The following ABAT variants were observed in gnomAD, a reference collection of about 807,000 sequenced individuals.
ABAT encodes the protein 4-aminobutyrate aminotransferase.
ABAT carries 45 observed loss-of-function variants against 64.6 expected under a neutral mutation model. The ratio of observed to expected loss-of-function variants is 0.70; its 90% CI spans 0.55 to 0.89. ABAT has a LOEUF of 0.89. Ranked by LOEUF, ABAT falls within the 40% of genes least tolerant of loss-of-function variation. The pLI is 0.00. For synonymous variants in ABAT, 297 were observed against 250.5 expected (o/e 1.19, Z -1.75); for missense variants, 633 against 658.4 (o/e 0.96, Z 0.42).
intron 1 of ABAT, among the ~76,000 whole-genome samples, chr16:8,682,446 C>T (rs2141918732): frequency 6.6e-6 from 1 of 152,282 alleles, no homozygotes; most frequent in Non-Finnish European, 1.5e-5. Flanking sequence ...CTCTGTCTAG[C>T]ACAGTGTTTT....
rs767450001 is a variant in ABAT at position 8,750,533 on chromosome 16, C to G, written c.310C>G (p.Pro104Ala). The change falls in exon 5 of 16, where the codon CCC becomes GCC. Residue 104 changes from proline to alanine, a missense_variant. Transcript: ENST00000268251. The part of the protein sequence containing the change: ...LDLYSQISSV[P>A]IGYSHPALLK... ...TCTTTATTCCCAGATCTCCTCTGTC[C>G]CCATAGGTAAGAGCTGGGAAATCAT... The G allele has an allele frequency of 1.2e-5, 20 of 1,613,026 alleles. 1 individual carries two copies. The South Asian group carries it at 1.8e-4, about 14-fold the overall frequency.
chr16:8,775,157 C>A, intron 13 of ABAT, 100 bp downstream of exon 13: 1 of 1,509,084 alleles, frequency 6.6e-7, no homozygotes, highest in Non-Finnish European at 9.1e-7. Context: ...TGGGTGGGCA[C>A]TTACTGGGTC....
At chr16:8,748,171 C>T (rs2142678067) in intron 4 of ABAT, 34 bp downstream of exon 4, 10 of 1,598,930 alleles carry the variant, frequency 6.3e-6, no homozygotes, top group Non-Finnish European at 8.6e-6. Context: ...CCTTCTGTTG[C>T]TTCTTTATCA....
intron 10 of ABAT, among the ~76,000 whole-genome samples, 176 bp from the exon 11 acceptor site, chr16:8,768,649 C>A (rs1273406): frequency 0.98 from 148,518 of 152,276 alleles, 72,514 homozygotes; most frequent in East Asian, 1. Flanking sequence ...ATATACACCT[C>A]CTATGCACCC....
chr16:8,772,696 G>T, intron 11 of ABAT, 84 bp from the exon 12 acceptor site: 2 of 1,568,470 alleles, frequency 1.3e-6, no homozygotes, highest in Non-Finnish European at 1.8e-6. Flanking sequence ...AATTGCATGG[G>T]GCTCATCGAA....
intron 5 of ABAT, among the ~76,000 whole-genome samples, chr16:8,752,809 TTC>T (rs1167504394): frequency 6.6e-6 from 1 of 152,172 alleles, no homozygotes; most frequent in African/African-American, 2.4e-5. Context: ...GTTCTAAAAG[TTC>T]TCTCTCTGGC....
chr16:8,739,325 C>CT (rs2038917246), intron 2 of ABAT, among the ~76,000 whole-genome samples: 1 of 152,222 alleles, frequency 6.6e-6, no homozygotes, highest in Admixed American at 6.5e-5. Context: ...CCAAGTGAGC[C>CT]TAACCGATAT....
intron 2 of ABAT, among the ~76,000 whole-genome samples, chr16:8,739,220 T>C (rs1263849099): frequency 1.3e-5 from 2 of 152,146 alleles, no homozygotes; most frequent in Non-Finnish European, 2.9e-5. Context: ...TAAAGGTCAT[T>C]CTCCAGGACA....
chr16:8,763,563 A>G (rs936162423), intron 6 of ABAT, among the ~76,000 whole-genome samples: 2 of 152,174 alleles, frequency 1.3e-5, no homozygotes, highest in African/African-American at 4.8e-5. Context: ...CTCTACTCCA[A>G]AAGTCCCTTT....
At chr16:8,681,180 G>T (rs1371642332) in intron 1 of ABAT, among the ~76,000 whole-genome samples, 1 of 151,928 alleles carries the variant, frequency 6.6e-6, no homozygotes, top group Non-Finnish European at 1.5e-5. Flanking sequence ...TTGTTGAGAT[G>T]GAGTCTCCCT....
Position 8,776,393 on chromosome 16 carries a change from T to C in ABAT, c.1172T>C (p.Leu391Ser), listed in dbSNP as rs376708126. ...CTGGGGGACCCGTCCAAGAACCTGT[T>C]GCTGGCTGAGGTCATCAACATCATC... Reference protein sequence around the residue: ...TWLGDPSKNLLLAEVINIIKR... With the variant: ...TWLGDPSKNLSLAEVINIIKR... Residue 391 changes from leucine (L) to serine (S), a missense_variant, in exon 14 of 16, where the codon TTG becomes TCG. By Grantham distance (145) the Leu-to-Ser change is moderately radical. Coordinates refer to ENST00000268251, the MANE Select transcript of ABAT (RefSeq NM_020686.6). This position sits in a 1 kb window ranked among gnomAD's most constrained non-coding sequence, Gnocchi z 4.4. 1.1e-5 allele frequency: 18 copies of C among 1,614,226 alleles called. No homozygotes were observed. The highest frequency in any genetic ancestry group is 1.5e-5 in the Non-Finnish European group (18 of 1,180,044).
chr16:8,708,481 G>A (rs1311973238), intron 1 of ABAT, among the ~76,000 whole-genome samples: 4 of 151,726 alleles, frequency 2.6e-5, no homozygotes, highest in African/African-American at 9.7e-5. Flanking sequence ...TGGCTCGGGG[G>A]CAGGGTTGTG....
At chr16:8,732,181 C>T in intron 1 of ABAT, among the ~76,000 whole-genome samples, 1 of 133,598 alleles carries the variant, frequency 7.5e-6, no homozygotes, top group Non-Finnish European at 1.6e-5. Flanking sequence ...AGGTTGACTA[C>T]TTTAGGTTTT....
At chr16:8,685,626 A>G (rs1417972711) in intron 1 of ABAT, among the ~76,000 whole-genome samples, 1 of 152,012 alleles carries the variant, frequency 6.6e-6, no homozygotes, top group East Asian at 1.9e-4. Flanking sequence ...CAGTGAGCCA[A>G]GATTACGCCA....
At chr16:8,679,648 C>T (rs931009162) in intron 1 of ABAT, among the ~76,000 whole-genome samples, 34 of 151,866 alleles carry the variant, frequency 2.2e-4, no homozygotes, top group East Asian at 3.9e-4. Context: ...TTAATTAACA[C>T]GAGCCCTGGT....
chr16:8,718,527 A>T (rs1323731528), intron 1 of ABAT, among the ~76,000 whole-genome samples: 1 of 152,152 alleles, frequency 6.6e-6, no homozygotes, highest in African/African-American at 2.4e-5. Flanking sequence ...CCATGATTGA[A>T]TTCAACAAGT....
intron 1 of ABAT, among the ~76,000 whole-genome samples, chr16:8,689,552 G>A (rs898217605): frequency 1.3e-5 from 2 of 152,190 alleles, no homozygotes; most frequent in African/African-American, 4.8e-5. Flanking sequence ...AAAGTGTATA[G>A]TCTTATAAGT....
intron 1 of ABAT, among the ~76,000 whole-genome samples, chr16:8,711,898 A>G (rs1277369180): frequency 6.6e-6 from 1 of 152,164 alleles, no homozygotes; most frequent in Non-Finnish European, 1.5e-5. Flanking sequence ...ACAGACAGAC[A>G]AAAAACAGAA....
intron 14 of ABAT, among the ~76,000 whole-genome samples, chr16:8,779,142 G>A (rs1013149528): frequency 6.6e-6 from 1 of 152,202 alleles, no homozygotes; most frequent in Admixed American, 6.5e-5. Context: ...CGGCCCCAGT[G>A]GGGTCAACAG....
Sources: gnomAD v4.1 joint callset for allele counts (sites outside exome capture counted in the v4.1 genomes callset) on GRCh38, gnomAD v4.1.1 for gene constraint, Gnocchi (gnomAD v3.1) non-coding constraint, MANE v1.5 for transcripts, NCBI Gene and HGNC (gene_info 2026-07-23, HGNC 2026-07-21) for gene names.